SYNPO2L: variants seen among roughly 807,000 people sequenced by gnomAD.
SYNPO2L encodes synaptopodin 2-like protein.
Under a neutral mutation model 47.5 loss-of-function variants are expected in SYNPO2L, and 34 were observed. The observed-to-expected ratio is 0.72, with a 90% CI of 0.54 to 0.95. The LOEUF (loss-of-function observed/expected upper bound fraction) is 0.95. Among genes scored for constraint, SYNPO2L ranks in the 40% least tolerant of loss-of-function variants. The pLI is 0.00. For synonymous variants in SYNPO2L, 536 were observed against 524.9 expected, an observed-to-expected ratio of 1.02 and a Z score of -0.29; for missense variants, 1,246 against 1,282.0, an observed-to-expected ratio of 0.97 and a Z score of 0.43.
In SYNPO2L at chr10:73,647,503, T is replaced by C. The variant is rs1214059186; in HGVS notation, c.2149A>G (p.Met717Val). Reference protein sequence around the residue: ...PPMAPKTPPPMTPKTPPPVAP... With the variant: ...PPMAPKTPPPVTPKTPPPVAP... ...ACTGGGGGTGGAGTCTTAGGAGTCA[T>C]AGGGGGCGGGGTCTTGGGAGCCATT... Residue 717 changes from methionine (M) to valine (V), a missense_variant, in exon 4 of 4, where the codon ATG becomes GTG. This residue lies in a region of SYNPO2L where 1,037 missense variants were observed against 1,021.5 expected (regional missense o/e 1.02). Coordinates refer to ENST00000394810, the MANE Select transcript of SYNPO2L (RefSeq NM_001114133.3). 4 of 1,570,414 alleles carry C rather than the reference T, an allele frequency of 2.5e-6. No individual in the cohort carries two copies. The highest frequency in any genetic ancestry group is 2.8e-5 in the African/African-American group (2 of 71,834).
chr10:73,655,941 GC>G lies in SYNPO2L; in HGVS notation c.-20del. ...CACCCATCGCTCAGCTTGGCCTATG[GC>G]CCCCGGAGTTTGAACAGTGTCCCCA... On this transcript the variant is annotated 5_prime_UTR_variant, in exon 1 of 4. Transcript: ENST00000394810. The G allele has an allele frequency of 1.3e-6, 2 of 1,543,844 alleles. No homozygotes were observed. The highest frequency in any genetic ancestry group is 1.7e-6 in the Non-Finnish European group (2 of 1,143,320).
Position 73,646,558 on chromosome 10 carries a change from G to C in SYNPO2L, c.*160C>G, listed in dbSNP as rs2081751500. On this transcript the variant is annotated 3_prime_UTR_variant, in exon 4 of 4. Coordinates refer to ENST00000394810, the MANE Select transcript of SYNPO2L (RefSeq NM_001114133.3). ...TTGGAAAGCGGCAGGGAGGTAGAGAGTGAGGAGGAAGGTGGGGGAAGGGGA... is the reference window on the plus strand; with the variant it reads ...TTGGAAAGCGGCAGGGAGGTAGAGACTGAGGAGGAAGGTGGGGGAAGGGGA... 3 of 1,287,344 alleles carry C rather than the reference G, an allele frequency of 2.3e-6. No individual in the cohort carries two copies. The allele number at this position is 1,287,344 out of a possible 1,614,324, so 79.7% of individuals were successfully genotyped here. A position where few individuals can be genotyped will look rare whatever the true frequency, so the allele number is the denominator to read the frequency against.
chr10:73,654,346 G>C, intron 1 of SYNPO2L, 66 bp from the exon 2 acceptor site: 3 of 1,534,540 alleles, frequency 2.0e-6, no homozygotes, highest in Non-Finnish European at 2.6e-6. Context: ...GAAAGGAAAA[G>C]ATGGGAAGGA....
chr10:73,647,908 T>C lies in SYNPO2L; in HGVS notation c.1744A>G (p.Ile582Val), dbSNP rs761694207. The change falls in exon 4 of 4, where the codon ATC (isoleucine) becomes GTC (valine). Residue 582 changes from isoleucine (I) to valine (V), a missense_variant. Around this residue, in one of 3 missense-constraint regions of SYNPO2L, gnomAD observed 1,037 missense variants for 1,021.5 expected, o/e 1.02. Transcript: ENST00000394810. ...GGTCGCAAAGGCGCAGATAGGAAGA[T>C]AGAAGCGGTGGAGGTCATGGCAGCT... ...SAAAMTSTAS[I>V]FLSAPLRPSA... The C allele has an allele frequency of 2.0e-6, 3 of 1,528,870 alleles. No individual in the cohort carries two copies. The highest frequency in any genetic ancestry group is 1.4e-5 in the African/African-American group (1 of 71,848). 94.7% of individuals were successfully genotyped at this position (1,528,870 alleles called of 1,614,324 possible).
rs2081858259 is a variant in SYNPO2L, at chr10:73,653,646, C to T, written c.265G>A (p.Asp89Asn). The T allele has an allele frequency of 2.6e-6, 4 of 1,540,960 alleles. No individual in the cohort carries two copies. The highest frequency in any genetic ancestry group is 3.5e-6 in the Non-Finnish European group (4 of 1,139,442). ...QLVLTVQRLA[D>N]EGPVQSPSPH... ...GATGGAGATTGCACAGGACCCTCGTCTGCTAACCTGGATAGGAAAGATGAC... is the reference window on the plus strand; with the variant it reads ...GATGGAGATTGCACAGGACCCTCGTTTGCTAACCTGGATAGGAAAGATGAC... Residue 89 changes from aspartate to asparagine, a missense_variant, in exon 3 of 4, where the codon GAC (aspartate) becomes AAC (asparagine). By Grantham distance (23) the Asp-to-Asn change is conservative. Coordinates refer to ENST00000394810, the MANE Select transcript of SYNPO2L (RefSeq NM_001114133.3).
intron 3 of SYNPO2L, 75 bp from the exon 4 acceptor site, chr10:73,648,954 C>T (rs780379210): frequency 9.2e-6 from 13 of 1,414,284 alleles, no homozygotes; most frequent in South Asian, 5.0e-5. Flanking sequence ...AGGCTTTCAC[C>T]CCCCATCCCA....
At chr10:73,652,621 G>A (rs1431534424) in intron 3 of SYNPO2L, among the ~76,000 whole-genome samples, 1 of 152,146 alleles carries the variant, frequency 6.6e-6, no homozygotes, top group Non-Finnish European at 1.5e-5. Flanking sequence ...AATGAGCCAA[G>A]ATCACGCCAT....
chr10:73,655,608 C>T lies in SYNPO2L; in HGVS notation c.105+210G>A, dbSNP rs961734612. Reference sequence around the variant, plus strand: ...CTTTTCCTCTGCTCCCTGGAAACCGCGAATTCTCTTTTCTAATAGACCCCC... The same window carrying T: ...CTTTTCCTCTGCTCCCTGGAAACCGTGAATTCTCTTTTCTAATAGACCCCC... On this transcript the variant is annotated intron_variant, in intron 1 of 3. Coordinates refer to ENST00000394810, the MANE Select transcript of SYNPO2L (RefSeq NM_001114133.3). Among the ~76,000 whole-genome samples the T allele has an allele frequency of 2.6e-5, 4 of 152,066 alleles. No individual in the cohort carries two copies. The South Asian group carries it at 6.2e-4, about 24-fold the overall frequency.
At chr10:73,653,925 A>G in intron 2 of SYNPO2L, 1 of 767,354 alleles carries the variant, frequency 1.3e-6, no homozygotes, top group South Asian at 2.0e-5. Context: ...TCATCAGTCA[A>G]ATACCCACTG....
chr10:73,652,146 ATTAT>A (rs1176904150), intron 3 of SYNPO2L, among the ~76,000 whole-genome samples: 2 of 143,944 alleles, frequency 1.4e-5, no homozygotes, highest in Admixed American at 1.4e-4. Context: ...ATTAATTTTT[ATTAT>A]TTATTTATTT....
At position 73,653,672 on chromosome 10, in the gene SYNPO2L, A is replaced by T. The variant is rs777550332; in HGVS notation, c.258-19T>A. 6.6e-7 allele frequency: 1 copy of T among 1,517,696 alleles called. No homozygotes were observed. The highest frequency in any genetic ancestry group is 2.5e-5 in the East Asian group (1 of 40,406). The allele number at this position is 1,517,696 out of a possible 1,614,324, so 94.0% of individuals were successfully genotyped here. On this transcript the variant is annotated intron_variant, in intron 2 of 3. Transcript: ENST00000394810. ...TGCTAACCTGGATAGGAAAGATGAC[A>T]GAGCTTGAGAGATGGGCTGGGTACT...
intron 3 of SYNPO2L, 131 bp downstream of exon 3, chr10:73,653,008 C>CTGTATCCAAGGG: frequency 2.6e-6 from 3 of 1,133,682 alleles, no homozygotes; most frequent in Non-Finnish European, 3.5e-6. Context: ...TCCCCTTCTA[C>CTGTATCCAAGGG]TCATTACCCC....
chr10:73,645,837 T>C lies in SYNPO2L; in HGVS notation c.*881A>G. 1.0e-6 allele frequency: 1 copy of C among 986,148 alleles called. No homozygotes were observed. The highest frequency in any genetic ancestry group is 1.2e-6 in the Non-Finnish European group (1 of 830,210). 61.1% of individuals were successfully genotyped at this position (986,148 alleles called of 1,614,324 possible). A position where few individuals can be genotyped will look rare whatever the true frequency, so the allele number is the denominator to read the frequency against. ...AGATTGGGTCTTTTGTTTGTTTGTT[T>C]GTTTTGAGACAGAGTCTCGCTCCGT... is the stretch of plus-strand genomic sequence containing the variant. On this transcript the variant is annotated 3_prime_UTR_variant, in exon 4 of 4. Coordinates refer to ENST00000394810, the MANE Select transcript of SYNPO2L (RefSeq NM_001114133.3).
intron 3 of SYNPO2L, chr10:73,649,843 A>C (rs2081824768): frequency 1.0e-6 from 1 of 985,298 alleles, no homozygotes; most frequent in Non-Finnish European, 1.2e-6. Context: ...AGATGCAGGA[A>C]AAGTTAGAGT....
rs758945353 is a variant in SYNPO2L, at chr10:73,648,282, G to C, written c.1370C>G (p.Pro457Arg). ...PRPFQPGGGA[P>R]TPAPSIFNRS... ...GTTAAAGATGCTTGGAGCTGGGGTC[G>C]GGGCTCCACCACCTGGTTGGAAGGG... The change falls in exon 4 of 4, where the codon CCG becomes CGG. Residue 457 changes from proline to arginine, a missense_variant. This residue lies in a region of SYNPO2L where 1,037 missense variants were observed against 1,021.5 expected (regional missense o/e 1.02). Coordinates refer to ENST00000394810, the MANE Select transcript of SYNPO2L (RefSeq NM_001114133.3). The C allele has an allele frequency of 3.7e-6, 6 of 1,601,616 alleles. No individual in the cohort carries two copies. Among genetic ancestry groups the C allele is most frequent in the Non-Finnish European group, 5.1e-6 (6 of 1,178,644 alleles).
At chr10:73,654,348 T>C in intron 1 of SYNPO2L, 68 bp from the exon 2 acceptor site, 1 of 1,532,994 alleles carries the variant, frequency 6.5e-7, no homozygotes, top group East Asian at 2.5e-5. Context: ...AAGGAAAAGA[T>C]GGGAAGGACC....
chr10:73,645,860 C>G lies in SYNPO2L; in HGVS notation c.*858G>C, dbSNP rs373158284. The G allele has an allele frequency of 5.1e-6, 5 of 985,564 alleles. No homozygotes were observed. In the African/African-American group the frequency reaches 8.7e-5, roughly 17 times the overall value. The allele number at this position is 985,564 out of a possible 1,614,324, so 61.1% of individuals were successfully genotyped here. ...TTTGTTTTGAGACAGAGTCTCGCTCCGTCGCCCAGGCTGGAGTGCAGTGGC... is the reference window on the plus strand; with the variant it reads ...TTTGTTTTGAGACAGAGTCTCGCTCGGTCGCCCAGGCTGGAGTGCAGTGGC... On this transcript the variant is annotated 3_prime_UTR_variant, in exon 4 of 4. Coordinates refer to ENST00000394810, the MANE Select transcript of SYNPO2L (RefSeq NM_001114133.3).
Position 73,646,634 on chromosome 10 carries a change from G to C in SYNPO2L, c.*84C>G, listed in dbSNP as rs1007655346. ...AGGAGGCAATTTAGCTTCCAGATGC[G>C]TGACAGGGGATGGGATAGGGTAGGA... On this transcript the variant is annotated 3_prime_UTR_variant, in exon 4 of 4. Coordinates refer to ENST00000394810, the MANE Select transcript of SYNPO2L (RefSeq NM_001114133.3). The C allele has an allele frequency of 7.4e-7, 1 of 1,351,240 alleles. No homozygotes were observed. The highest frequency in any genetic ancestry group is 9.6e-7 in the Non-Finnish European group (1 of 1,044,504). 83.7% of individuals were successfully genotyped at this position (1,351,240 alleles called of 1,614,324 possible). A position where few individuals can be genotyped will look rare whatever the true frequency, so the allele number is the denominator to read the frequency against.
Position 73,648,113 on chromosome 10 carries a change from C to A in SYNPO2L, c.1539G>T (p.Gln513His). 6.5e-7 allele frequency: 1 copy of A among 1,540,090 alleles called. No individual in the cohort carries two copies. The part of the protein sequence containing the change: ...SPAPPPFLSS[Q>H]GPTPLPSFTS... ...TGAAGCTGGGCAGAGGGGTGGGCCC[C>A]TGCGAAGACAAGAAGGGGGGTGGGG... The change falls in exon 4 of 4, where the codon CAG (glutamine) becomes CAT (histidine). Residue 513 changes from glutamine to histidine, a missense_variant. This residue lies in a region of SYNPO2L where 1,037 missense variants were observed against 1,021.5 expected (regional missense o/e 1.02). Transcript: ENST00000394810.
Sources: gnomAD v4.1 joint callset for allele counts (sites outside exome capture counted in the v4.1 genomes callset) on GRCh38, gnomAD v4.1.1 for gene constraint, gnomAD v4.1.1 regional missense constraint, MANE v1.5 for transcripts, NCBI Gene and HGNC (gene_info 2026-07-23, HGNC 2026-07-21) for gene names.